The following TRIL variants were observed in gnomAD, a reference collection of about 807,000 sequenced individuals.
TRIL encodes the protein TLR4 interactor with leucine rich repeats.
TRIL carries 23 observed loss-of-function variants against 43.0 expected under a neutral mutation model. The ratio of observed to expected loss-of-function variants is 0.54; its 90% CI spans 0.39 to 0.76. The LOEUF (loss-of-function observed/expected upper bound fraction) is 0.76, where lower values mean the gene tolerates loss of function less well. Ranked by LOEUF, TRIL falls within the 30% of genes least tolerant of loss-of-function variation. TRIL has a pLI of 0.00. For synonymous variants in TRIL, 602 were observed against 556.8 expected (o/e 1.08, Z -1.14); for missense variants, 1,114 against 1,139.3 (o/e 0.98, Z 0.32).
At position 28,955,840 on chromosome 7, in the gene TRIL, A is replaced by G. The variant is rs188752020; in HGVS notation, c.2207T>C (p.Val736Ala). 1.2e-5 allele frequency: 19 copies of G among 1,549,744 alleles called. No homozygotes were observed. In the East Asian group the frequency reaches 2.7e-4, roughly 22 times the overall value. The change falls in exon 1 of 1, where the codon GTC (valine) becomes GCC (alanine). Residue 736 changes from valine (V) to alanine (A), a missense_variant. Val to Ala is a moderately conservative substitution (Grantham distance 64, BLOSUM62 0). Coordinates refer to ENST00000539664, the MANE Select transcript of TRIL (RefSeq NM_014817.4). ...LRARRKGGAP[V>A]HVRHMYSTRR... is the part of the protein sequence containing the mutation. ...GGTGGAGTACATGTGCCGAACGTGGACCGGGGCCCCGCCCTTCCGCCTAGC... is the reference window on the plus strand; with the variant it reads ...GGTGGAGTACATGTGCCGAACGTGGGCCGGGGCCCCGCCCTTCCGCCTAGC...
In TRIL at chr7:28,955,671, G is replaced by T; in HGVS notation, c.2376C>A (p.Gly792=). 6.5e-7 allele frequency: 1 copy of T among 1,548,488 alleles called. No individual in the cohort carries two copies. Among genetic ancestry groups the T allele is most frequent in the East Asian group, 2.4e-5 (1 of 40,892 alleles). The change falls in exon 1 of 1, where the codon GGC becomes GGA. Residue 792 remains glycine, a synonymous_variant. Coordinates refer to ENST00000539664, the MANE Select transcript of TRIL (RefSeq NM_014817.4). ...GTCTCAGGCTGCCGCCCGCGCCGCC[G>T]CCCGCACTGTCCATGAAGCGGTCGC... ...FPCDRFMDSA[G]GGAGGSLRRE...
Position 28,957,805 on chromosome 7 carries a change from C to A in TRIL, c.242G>T (p.Arg81Leu), listed in dbSNP as rs372909932. The change falls in exon 1 of 1, where the codon CGT becomes CTT. Residue 81 changes from arginine to leucine, a missense_variant. By Grantham distance (102) the Arg-to-Leu change is moderately radical. Coordinates refer to ENST00000539664, the MANE Select transcript of TRIL (RefSeq NM_014817.4). ...ITNITAFDFH[R>L]LGQLRRLDLQ... Reference sequence around the variant, plus strand: ...GTCCAGCCGTCTGAGCTGCCCCAGACGGTGGAAGTCGAAGGCCGTGATGTT... The same window carrying A: ...GTCCAGCCGTCTGAGCTGCCCCAGAAGGTGGAAGTCGAAGGCCGTGATGTT... The A allele has an allele frequency of 1.2e-6, 2 of 1,613,880 alleles. No individual in the cohort carries two copies. The highest frequency in any genetic ancestry group is 2.2e-5 in the East Asian group (1 of 44,862).
rs376090216 is a variant in TRIL at position 28,955,309 on chromosome 7, C to T, written c.*302G>A. The T allele has an allele frequency of 1.8e-5, 7 of 390,796 alleles. No homozygotes were observed. The highest frequency in any genetic ancestry group is 1.2e-4 in the African/African-American group (6 of 48,306). 24.2% of individuals were successfully genotyped at this position (390,796 alleles called of 1,614,324 possible). A position where few individuals can be genotyped will look rare whatever the true frequency, so the allele number is the denominator to read the frequency against. The stretch of plus-strand genomic sequence containing the variant: ...AAGCACCCCCTTTCTACCCCCAAAG[C>T]CTGGCTTCTGCATTGCAGTGCTACA... On this transcript the variant is annotated 3_prime_UTR_variant, in exon 1 of 1. Transcript: ENST00000539664.
In TRIL at chr7:28,954,182, T is replaced by A. The variant is rs1338303934; in HGVS notation, c.*1429A>T. ...TAAACCAAACCACTACACTTAGTGA[T>A]AAACATGTACTTCATAAATAGCAGG... On this transcript the variant is annotated 3_prime_UTR_variant, in exon 1 of 1. Coordinates refer to ENST00000539664, the MANE Select transcript of TRIL (RefSeq NM_014817.4). 1 of 152,538 alleles carries A rather than the reference T, an allele frequency of 6.6e-6. No individual in the cohort carries two copies. The highest frequency in any genetic ancestry group is 1.9e-4 in the East Asian group (1 of 5,200). The allele number at this position is 152,538 out of a possible 1,614,324, so 9.4% of individuals were successfully genotyped here. A position where few individuals can be genotyped will look rare whatever the true frequency, so the allele number is the denominator to read the frequency against.
At position 28,956,562 on chromosome 7, in the gene TRIL, G is replaced by T; in HGVS notation, c.1485C>A (p.Ser495Arg). Residue 495 changes from serine to arginine, a missense_variant, in exon 1 of 1, where the codon AGC (serine) becomes AGA (arginine). Ser to Arg is a moderately radical substitution (Grantham distance 110, BLOSUM62 -1). Transcript: ENST00000539664. ...SRRGPGLQQP[S>R]PSVAAAAGPA... ...GGCCCGCGGCGGCAGCGACGGAGGGGCTGGGCTGCTGGAGGCCCGGGCCCC... is the reference window on the plus strand; with the variant it reads ...GGCCCGCGGCGGCAGCGACGGAGGGTCTGGGCTGCTGGAGGCCCGGGCCCC... 1 of 1,556,672 alleles carries T rather than the reference G, an allele frequency of 6.4e-7. No individual in the cohort carries two copies.
rs965924706 is a variant in TRIL, at chr7:28,956,285, A to G, written c.1762T>C (p.Cys588Arg). The G allele has an allele frequency of 3.9e-6, 6 of 1,549,272 alleles. No individual in the cohort carries two copies. Among genetic ancestry groups the G allele is most frequent in the Non-Finnish European group, 5.2e-6 (6 of 1,152,416 alleles). ...CCCACCGCCTCCACCGTCAGGTTGC[A>G]CAGAATGAACTTGTTGAAGTCGCAT... ...DPCDFNKFILCNLTVEAVGAD... is the reference protein window; with the variant it reads ...DPCDFNKFILRNLTVEAVGAD... Residue 588 changes from cysteine (C) to arginine (R), a missense_variant, in exon 1 of 1, where the codon TGC (cysteine) becomes CGC (arginine). Transcript: ENST00000539664.
chr7:28,956,468 G>C lies in TRIL; in HGVS notation c.1579C>G (p.Leu527Val). Residue 527 changes from leucine to valine, a missense_variant, in exon 1 of 1, where the codon CTC (leucine) becomes GTC (valine). By Grantham distance (32) the Leu-to-Val change is conservative (BLOSUM62 1). Coordinates refer to ENST00000539664, the MANE Select transcript of TRIL (RefSeq NM_014817.4). Reference sequence around the variant, plus strand: ...GAGGCCGTTGGGGTGGGCTCCGCGAGGGCGGGATCTGCCCGAGTCGGACGG... The same window carrying C: ...GAGGCCGTTGGGGTGGGCTCCGCGACGGCGGGATCTGCCCGAGTCGGACGG... Reference protein sequence around the residue: ...RGRPTRADPALAEPTPTASPG... With the variant: ...RGRPTRADPAVAEPTPTASPG... 1.9e-6 allele frequency: 3 copies of C among 1,553,026 alleles called. No individual in the cohort carries two copies. Among genetic ancestry groups the C allele is most frequent in the Non-Finnish European group, 2.6e-6 (3 of 1,156,922 alleles).
chr7:28,954,445 G>GT lies in TRIL; in HGVS notation c.*1165dup, dbSNP rs1783366211. On this transcript the variant is annotated 3_prime_UTR_variant, in exon 1 of 1. Coordinates refer to ENST00000539664, the MANE Select transcript of TRIL (RefSeq NM_014817.4). ...TTTAGTAGAACAGATACCCACTGGT[G>GT]TATTTTTTTCACATTTGTTTTCTAT... is the stretch of plus-strand genomic sequence containing the variant. 1 of 152,592 alleles carries GT rather than the reference G, an allele frequency of 6.6e-6. No individual in the cohort carries two copies. Among genetic ancestry groups the GT allele is most frequent in the Non-Finnish European group, 1.5e-5 (1 of 68,024 alleles). 9.5% of individuals were successfully genotyped at this position (152,592 alleles called of 1,614,324 possible).
At position 28,957,419 on chromosome 7, in the gene TRIL, G is replaced by A; in HGVS notation, c.628C>T (p.Leu210Phe). ...AQLGKLRFLN[L>F]SANELQPSLR... ...GAGGGCTGTAGCTCGTTGGCAGAGAGGTTGAGGAAGCGCAGCTTGCCTAGC... is the reference window on the plus strand; with the variant it reads ...GAGGGCTGTAGCTCGTTGGCAGAGAAGTTGAGGAAGCGCAGCTTGCCTAGC... The change falls in exon 1 of 1, where the codon CTC (leucine) becomes TTC (phenylalanine). Residue 210 changes from leucine (L) to phenylalanine (F), a missense_variant. Coordinates refer to ENST00000539664, the MANE Select transcript of TRIL (RefSeq NM_014817.4). 6.2e-7 allele frequency: 1 copy of A among 1,613,518 alleles called. No homozygotes were observed. Among genetic ancestry groups the A allele is most frequent in the Non-Finnish European group, 8.5e-7 (1 of 1,179,878 alleles).
At position 28,956,578 on chromosome 7, in the gene TRIL, C is replaced by A; in HGVS notation, c.1469G>T (p.Gly490Val). The A allele has an allele frequency of 1.9e-6, 3 of 1,553,468 alleles. No individual in the cohort carries two copies. The highest frequency in any genetic ancestry group is 2.6e-6 in the Non-Finnish European group (3 of 1,157,590). ...GACGGAGGGGCTGGGCTGCTGGAGG[C>A]CCGGGCCCCGCCGACTCAGCCTTAG... The part of the protein sequence containing the change: ...SALRLSRRGP[G>V]LQQPSPSVAA... Residue 490 changes from glycine (G) to valine (V), a missense_variant, in exon 1 of 1, where the codon GGC (glycine) becomes GTC (valine). Coordinates refer to ENST00000539664, the MANE Select transcript of TRIL (RefSeq NM_014817.4).
chr7:28,956,189 AGC>A lies in TRIL; in HGVS notation c.1856_1857del (p.Arg619LeufsTer6). Reference sequence around the variant, plus strand: ...CCAAAGCGGTCAAAGAGCAGGCGGAAGCGCGCGCCGCCCAGCGGCCGGGGACT... The same window carrying A: ...CCAAAGCGGTCAAAGAGCAGGCGGAAGCGCGCCGCCCAGCGGCCGGGGACT... ...HRSPRPLGGA[R>X]FRLLFDRFGQ... On this transcript the variant is annotated frameshift_variant, in exon 1 of 1. Transcript: ENST00000539664. LOFTEE classifies it high-confidence loss of function. 1 of 1,568,708 alleles carries A rather than the reference AGC, an allele frequency of 6.4e-7. No individual in the cohort carries two copies. Among genetic ancestry groups the A allele is most frequent in the Middle Eastern group, 1.7e-4 (1 of 5,996 alleles).
Position 28,957,481 on chromosome 7 carries a change from T to C in TRIL, c.566A>G (p.Asn189Ser), listed in dbSNP as rs940445502. The C allele has an allele frequency of 9.3e-6, 15 of 1,613,260 alleles. No individual in the cohort carries two copies. The highest frequency in any genetic ancestry group is 1.3e-5 in the African/African-American group (1 of 75,050). The change falls in exon 1 of 1, where the codon AAC becomes AGC. Residue 189 changes from asparagine to serine, a missense_variant. Asn to Ser is a conservative substitution (Grantham distance 46, BLOSUM62 1). Transcript: ENST00000539664. ...GNLLYLHLES[N>S]RIRFLGKNAF... ...GTTCTTGCCCAGAAAGCGGATCCGG[T>C]TGGACTCCAGATGTAGGTAGAGCAG...
chr7:28,956,284 C>A lies in TRIL; in HGVS notation c.1763G>T (p.Cys588Phe). 1 of 1,549,426 alleles carries A rather than the reference C, an allele frequency of 6.5e-7. No individual in the cohort carries two copies. Among genetic ancestry groups the A allele is most frequent in the Non-Finnish European group, 8.7e-7 (1 of 1,152,406 alleles). ...DPCDFNKFIL[C>F]NLTVEAVGAD... ...GCCCACCGCCTCCACCGTCAGGTTG[C>A]ACAGAATGAACTTGTTGAAGTCGCA... The change falls in exon 1 of 1, where the codon TGC (cysteine) becomes TTC (phenylalanine). Residue 588 changes from cysteine to phenylalanine, a missense_variant. Transcript: ENST00000539664.
At position 28,956,185 on chromosome 7, in the gene TRIL, C is replaced by A; in HGVS notation, c.1862G>T (p.Arg621Leu). The change falls in exon 1 of 1, where the codon CGC (arginine) becomes CTC (leucine). Residue 621 changes from arginine (R) to leucine (L), a missense_variant. By Grantham distance (102) the Arg-to-Leu change is moderately radical. Transcript: ENST00000539664. ...CTGGCCAAAGCGGTCAAAGAGCAGG[C>A]GGAAGCGCGCGCCGCCCAGCGGCCG... The part of the protein sequence containing the change: ...SPRPLGGARF[R>L]LLFDRFGQQP... 1 of 1,568,698 alleles carries A rather than the reference C, an allele frequency of 6.4e-7. No homozygotes were observed. Among genetic ancestry groups the A allele is most frequent in the Non-Finnish European group, 8.6e-7 (1 of 1,158,814 alleles).
Position 28,957,024 on chromosome 7 carries a change from G to C in TRIL, c.1023C>G (p.Ser341=). 6.3e-7 allele frequency: 1 copy of C among 1,581,300 alleles called. No individual in the cohort carries two copies. Among genetic ancestry groups the C allele is most frequent in the Non-Finnish European group, 8.6e-7 (1 of 1,166,044 alleles). ...CTGGGCTGGCGGCGAAGATGTCCCC[G>C]GATAGGGCGCTGAGCGCGTTGTTGC... The part of the protein sequence containing the change: ...SLRNNALSAL[S]GDIFAASPAL... Residue 341 remains serine (S), a synonymous_variant, in exon 1 of 1, where the codon TCC becomes TCG. Transcript: ENST00000539664.
Position 28,957,094 on chromosome 7 carries a change from G to C in TRIL, c.953C>G (p.Pro318Arg), listed in dbSNP as rs1355496818. 14 of 1,573,162 alleles carry C rather than the reference G, an allele frequency of 8.9e-6. No homozygotes were observed. Among genetic ancestry groups the C allele is most frequent in the Non-Finnish European group, 1.1e-5 (13 of 1,162,704 alleles). Residue 318 changes from proline (P) to arginine (R), a missense_variant, in exon 1 of 1, where the codon CCG becomes CGG. Physicochemically the swap from Pro to Arg is moderately radical, Grantham distance 103. Coordinates refer to ENST00000539664, the MANE Select transcript of TRIL (RefSeq NM_014817.4). ...CCGGCCCAGGTGGCCGAAGGTGGCCGGGTGCAGGGCGGACAGCTCATTGCC... is the reference window on the plus strand; with the variant it reads ...CCGGCCCAGGTGGCCGAAGGTGGCCCGGTGCAGGGCGGACAGCTCATTGCC... Reference protein sequence around the residue: ...LSGNELSALHPATFGHLGRLR... With the variant: ...LSGNELSALHRATFGHLGRLR...
rs752194680 is a variant in TRIL, at chr7:28,957,758, A to G, written c.289T>C (p.Ser97Pro). Residue 97 changes from serine (S) to proline (P), a missense_variant, in exon 1 of 1, where the codon TCT becomes CCT. Coordinates refer to ENST00000539664, the MANE Select transcript of TRIL (RefSeq NM_014817.4). Reference protein sequence around the residue: ...RLDLQYNQIRSLHPKTFEKLS... With the variant: ...RLDLQYNQIRPLHPKTFEKLS... Reference sequence around the variant, plus strand: ...TTCTCGAAGGTCTTGGGGTGCAGAGAGCGGATCTGGTTGTACTGCAGGTCC... The same window carrying G: ...TTCTCGAAGGTCTTGGGGTGCAGAGGGCGGATCTGGTTGTACTGCAGGTCC... 6 of 1,613,832 alleles carry G rather than the reference A, an allele frequency of 3.7e-6. No individual in the cohort carries two copies. Among genetic ancestry groups the G allele is most frequent in the Non-Finnish European group, 3.4e-6 (4 of 1,179,820 alleles).
Position 28,957,305 on chromosome 7 carries a change from TGC to T in TRIL, c.740_741del (p.Arg247HisfsTer24). On this transcript the variant is annotated frameshift_variant, in exon 1 of 1. Transcript: ENST00000539664. LOFTEE classifies it high-confidence loss of function. Reference sequence around the variant, plus strand: ...CCGAGACGTGGCAGGTGCTGGAAGATGCGCGGCCCGAGGTGCTGCAGGTTGTT... The same window carrying T: ...CCGAGACGTGGCAGGTGCTGGAAGATGCGGCCCGAGGTGCTGCAGGTTGTT... ...SANNLQHLGP[R>X]IFQHLPRLGL... 1 of 1,610,986 alleles carries T rather than the reference TGC, an allele frequency of 6.2e-7. No homozygotes were observed. Among genetic ancestry groups the T allele is most frequent in the Non-Finnish European group, 8.5e-7 (1 of 1,179,164 alleles).
At position 28,958,032 on chromosome 7, in the gene TRIL, G is replaced by A. The variant is rs1783438000; in HGVS notation, c.15C>T (p.Arg5=). The change falls in exon 1 of 1, where the codon CGC becomes CGT. Residue 5 remains arginine (R), a synonymous_variant. Coordinates refer to ENST00000539664, the MANE Select transcript of TRIL (RefSeq NM_014817.4). Reference sequence around the variant, plus strand: ...ACACCACGAGCAGGAGGCGCAAGGCGCGGGCAGCCTCCATCGCCTCCCGCC... The same window carrying A: ...ACACCACGAGCAGGAGGCGCAAGGCACGGGCAGCCTCCATCGCCTCCCGCC... MEAA[R]ALRLLLVVCG... is the part of the protein sequence containing the mutation. 1 of 1,553,118 alleles carries A rather than the reference G, an allele frequency of 6.4e-7. No individual in the cohort carries two copies. Among genetic ancestry groups the A allele is most frequent in the Non-Finnish European group, 8.6e-7 (1 of 1,156,678 alleles).
Sources: gnomAD v4.1 joint callset for allele counts on GRCh38, gnomAD v4.1.1 for gene constraint, MANE v1.5 for transcripts, NCBI Gene and HGNC (gene_info 2026-07-23, HGNC 2026-07-21) for gene names.